Variants in VPS13A observed in about 807,000 individuals in gnomAD.
The protein encoded by VPS13A is vacuolar protein sorting 13 homolog A, also known as intermembrane lipid transfer protein VPS13A.
In VPS13A, 264 loss-of-function variants were observed where a neutral mutation model predicts 390.9. That is an observed-to-expected ratio of 0.68 (90% CI 0.61 to 0.75). VPS13A has a LOEUF of 0.75. VPS13A is among the 30% of genes least tolerant of loss of function. The pLI is 0.00. For missense variants in VPS13A, 3,409 were observed against 3,733.9 expected, an observed-to-expected ratio of 0.91 and a Z score of 2.27; for synonymous variants, 1,231 against 1,227.1, an observed-to-expected ratio of 1.00 and a Z score of -0.07.
chr9:77,234,379 T>C (rs1824011438), intron 17 of VPS13A, among the ~76,000 whole-genome samples: 2 of 152,148 alleles, frequency 1.3e-5, no homozygotes, highest in South Asian at 2.1e-4. Flanking sequence ...CACCCAGCTC[T>C]CTCTTGGTTA....
intron 29 of VPS13A, among the ~76,000 whole-genome samples, chr9:77,282,893 G>A (rs984514482): frequency 4.6e-5 from 7 of 151,440 alleles, no homozygotes; most frequent in African/African-American, 1.2e-4. Flanking sequence ...AGGTTGCAGC[G>A]ATCTTTGAGC....
intron 71 of VPS13A, among the ~76,000 whole-genome samples, chr9:77,412,824 T>G (rs1016344278): frequency 3.3e-5 from 5 of 151,036 alleles, no homozygotes; most frequent in Non-Finnish European, 5.9e-5. Flanking sequence ...TGTTTGCAGA[T>G]GACATGATTG....
chr9:77,190,290 G>A (rs1435649086), intron 1 of VPS13A, among the ~76,000 whole-genome samples: 1 of 152,082 alleles, frequency 6.6e-6, no homozygotes, highest in Admixed American at 6.5e-5. Context: ...TCTTTTGAGG[G>A]TTTTTAACAT....
rs551264298 is a variant in VPS13A, at chr9:77,339,234, C to G, written c.6379-282C>G. 5 of 382,304 alleles carry G rather than the reference C, an allele frequency of 1.3e-5. No individual in the cohort carries two copies. The South Asian group carries it at 2.3e-4, about 18-fold the overall frequency. 23.7% of individuals were successfully genotyped at this position (382,304 alleles called of 1,614,324 possible). A position where few individuals can be genotyped will look rare whatever the true frequency, so the allele number is the denominator to read the frequency against. ...TTATAGTGTTTTATGTTTATAATTT[C>G]CAGGGGAGTTTCCCATTATGTTATT... On this transcript the variant is annotated intron_variant, in intron 47 of 71. Transcript: ENST00000360280.
chr9:77,290,902 T>C (rs1827614947), intron 31 of VPS13A, among the ~76,000 whole-genome samples: 3 of 152,244 alleles, frequency 2.0e-5, no homozygotes, highest in Admixed American at 1.3e-4. Context: ...AATTTTAGTT[T>C]CAACATTGAT....
chr9:77,213,458 T>C (rs1488977230), intron 9 of VPS13A, 144 bp downstream of exon 9: 2 of 681,286 alleles, frequency 2.9e-6, no homozygotes, highest in African/African-American at 3.6e-5. Flanking sequence ...GGTGAAGATG[T>C]GTGTAACTAT....
At chr9:77,243,195 G>A (rs1292213014) in intron 19 of VPS13A, among the ~76,000 whole-genome samples, 2 of 152,036 alleles carry the variant, frequency 1.3e-5, no homozygotes, top group Non-Finnish European at 2.9e-5. Flanking sequence ...TATAGGTTGA[G>A]TATCCCTTAG....
intron 31 of VPS13A, 121 bp from the exon 32 acceptor site, chr9:77,293,220 G>A: frequency 1.2e-6 from 1 of 863,128 alleles, no homozygotes; most frequent in Admixed American, 2.3e-5. Flanking sequence ...ATTTGTACTT[G>A]GCTTGTGAAT....
At position 77,213,490 on chromosome 9, in the gene VPS13A, C is replaced by T. The variant is rs72742573; in HGVS notation, c.696+176C>T. Among the ~76,000 whole-genome samples, 8,263 of 150,088 alleles carry T rather than the reference C, an allele frequency of 0.055. 338 individuals are homozygous for T. Among genetic ancestry groups the T allele is most frequent in the Middle Eastern group, 0.12 (36 of 290 alleles). ...CTATACACAAACATGAATACATACC[C>T]CCATATCTTTTTTTTTTTTTTTTTG... On this transcript the variant is annotated intron_variant, in intron 9 of 71. Transcript: ENST00000360280.
intron 8 of VPS13A, 90 bp from the exon 9 acceptor site, chr9:77,213,144 T>C: frequency 1.3e-6 from 2 of 1,527,812 alleles, no homozygotes; most frequent in South Asian, 1.1e-5. Flanking sequence ...CTCTGTGATA[T>C]GGCTCACTTA....
intron 5 of VPS13A, among the ~76,000 whole-genome samples, chr9:77,208,146 G>T (rs1316957620): frequency 2.0e-5 from 3 of 152,118 alleles, no homozygotes; most frequent in South Asian, 4.1e-4. Flanking sequence ...TAAAAGAAAA[G>T]ATTTTATTAG....
chr9:77,206,259 A>G (rs1043262160), intron 5 of VPS13A, among the ~76,000 whole-genome samples, 180 bp downstream of exon 5: 3 of 151,152 alleles, frequency 2.0e-5, no homozygotes, highest in Admixed American at 6.6e-5. Flanking sequence ...CAGGAATTTT[A>G]CCTTATGGAA....
In VPS13A at chr9:77,201,382, A is replaced by T; in HGVS notation, c.162A>T (p.Pro54=). 1.9e-6 allele frequency: 3 copies of T among 1,610,222 alleles called. No homozygotes were observed. Among genetic ancestry groups the T allele is most frequent in the Non-Finnish European group, 2.5e-6 (3 of 1,176,692 alleles). Residue 54 remains proline, a synonymous_variant, in exon 3 of 72, where the codon CCA becomes CCT. Transcript: ENST00000360280. ...TTCTGTAGAGTCAACTGGATGTACC[A>T]TTTAAAGTTAAAGTTGGTCACATAG... is the stretch of plus-strand genomic sequence containing the variant. ...KENALSQLDV[P]FKVKVGHIGN... is the part of the protein sequence containing the mutation.
intron 21 of VPS13A, among the ~76,000 whole-genome samples, 153 bp downstream of exon 21, chr9:77,250,382 G>A (rs1825088037): frequency 6.6e-6 from 1 of 152,146 alleles, no homozygotes; most frequent in African/African-American, 2.4e-5. Context: ...TTCTTACCAG[G>A]AGCAGTCTTG....
chr9:77,214,480 A>C, intron 10 of VPS13A, 94 bp downstream of exon 10: 1 of 986,400 alleles, frequency 1.0e-6, no homozygotes, highest in Non-Finnish European at 1.6e-6. Flanking sequence ...GTTCCTGTTA[A>C]ATTTCCTTCT....
At chr9:77,354,697 A>G (rs7868614) in intron 54 of VPS13A, among the ~76,000 whole-genome samples, 1,821 of 152,244 alleles carry the variant, frequency 0.012, 34 homozygotes, top group African/African-American at 0.042. Context: ...TAACTATTTT[A>G]TACTTGTCTC....
At chr9:77,332,615 AAT>A (rs1437203104) in intron 46 of VPS13A, among the ~76,000 whole-genome samples, 1 of 151,980 alleles carries the variant, frequency 6.6e-6, no homozygotes, top group African/African-American at 2.4e-5. Context: ...AATTTGATAC[AAT>A]ATGTTTTAAG....
rs145564132 is a variant in VPS13A, at chr9:77,360,588, A to T, written c.8158A>T (p.Ile2720Phe). ...GGATCTCAGGTTAGATCTTGGGTTTATCTATGCTTTAACAGACCTTATGAC... is the reference window on the plus strand; with the variant it reads ...GGATCTCAGGTTAGATCTTGGGTTTTTCTATGCTTTAACAGACCTTATGAC... ...EMDLRLDLGF[I>F]YALTDLMTEA... The change falls in exon 59 of 72, where the codon ATC becomes TTC. Residue 2720 changes from isoleucine to phenylalanine, a missense_variant. By Grantham distance (21) the Ile-to-Phe change is conservative. Around this residue, in one of 5 missense-constraint regions of VPS13A, gnomAD observed 221 missense variants for 300.7 expected, o/e 0.73. Transcript: ENST00000360280. The T allele has an allele frequency of 6.2e-7, 1 of 1,613,090 alleles. No individual in the cohort carries two copies. Among genetic ancestry groups the T allele is most frequent in the African/African-American group, 1.3e-5 (1 of 74,888 alleles).
At position 77,316,155 on chromosome 9, in the gene VPS13A, C is replaced by A. The variant is rs1007291447; in HGVS notation, c.4631-19C>A. On this transcript the variant is annotated intron_variant, in intron 38 of 71. Coordinates refer to ENST00000360280, the MANE Select transcript of VPS13A (RefSeq NM_033305.3). The stretch of plus-strand genomic sequence containing the variant: ...CATAATATATAGCAAATATTTTAAT[C>A]TATTTTTATTTGTTTTAGTACCTAC... 12 of 1,431,380 alleles carry A rather than the reference C, an allele frequency of 8.4e-6. No individual in the cohort carries two copies. The African/African-American group carries it at 1.3e-4, about 15-fold the overall frequency. The allele number at this position is 1,431,380 out of a possible 1,614,324, so 88.7% of individuals were successfully genotyped here.
Sources: gnomAD v4.1 joint callset for allele counts (sites outside exome capture counted in the v4.1 genomes callset) on GRCh38, gnomAD v4.1.1 for gene constraint, gnomAD v4.1.1 regional missense constraint, MANE v1.5 for transcripts, NCBI Gene and HGNC (gene_info 2026-07-23, HGNC 2026-07-21) for gene names.